Variants in CYFIP1 observed in about 807,000 individuals in gnomAD.
CYFIP1 encodes the protein cytoplasmic FMR1-interacting protein 1.
In CYFIP1, 58 loss-of-function variants were observed where a neutral mutation model predicts 163.5. The ratio of observed to expected loss-of-function variants is 0.35; its 90% CI spans 0.29 to 0.44. CYFIP1 has a LOEUF of 0.44. Ranked by LOEUF, CYFIP1 falls within the 20% of genes least tolerant of loss-of-function variation. CYFIP1 has a pLI of 1.00. For synonymous variants in CYFIP1, 663 were observed against 660.7 expected (o/e 1.00, Z -0.05); for missense variants, 1,338 against 1,653.8 (o/e 0.81, Z 3.31).
intron 1 of CYFIP1, among the ~76,000 whole-genome samples, chr15:22,962,882 C>A (rs1449226466): frequency 1.3e-5 from 2 of 152,200 alleles, no homozygotes; most frequent in South Asian, 2.1e-4. Context: ...TTCCACCCAA[C>A]CAACAAACCA....
At chr15:22,872,735 A>G in intron 30 of CYFIP1, 90 bp downstream of exon 30, 1 of 1,405,472 alleles carries the variant, frequency 7.1e-7, no homozygotes, top group East Asian at 2.3e-5. Flanking sequence ...ACTAGGATGA[A>G]AAACATTGCC....
At position 22,934,485 on chromosome 15, in the gene CYFIP1, CTTTTT is replaced by C. The variant is rs35881374; in HGVS notation, c.901-597_901-593del. On this transcript the variant is annotated intron_variant, in intron 9 of 30. Coordinates refer to ENST00000617928, the MANE Select transcript of CYFIP1 (RefSeq NM_014608.6). ...CAGGCGTGAACCACCGCACCCAGCCCTTTTTTTTTTTTTTTTTTTTTTTTTTTTGA... is the reference window on the plus strand; with the variant it reads ...CAGGCGTGAACCACCGCACCCAGCCCTTTTTTTTTTTTTTTTTTTTTTTGA... Among the ~76,000 whole-genome samples, 63 of 49,836 alleles carry C rather than the reference CTTTTT, an allele frequency of 1.3e-3. 3 individuals are homozygous for C. Among genetic ancestry groups the C allele is most frequent in the African/African-American group, 3.1e-3 (38 of 12,276 alleles). 32.7% of individuals were successfully genotyped at this position (49,836 alleles called of 152,430 possible).
At chr15:22,938,465 C>CATTG (rs2061786710) in intron 8 of CYFIP1, among the ~76,000 whole-genome samples, 1 of 151,968 alleles carries the variant, frequency 6.6e-6, no homozygotes, top group Non-Finnish European at 1.5e-5. Context: ...CTTAGCTGGG[C>CATTG]ATTGGTGCAA....
intron 1 of CYFIP1, among the ~76,000 whole-genome samples, chr15:22,955,433 G>T (rs1339151271): frequency 6.6e-6 from 1 of 152,232 alleles, no homozygotes; most frequent in Non-Finnish European, 1.5e-5. Flanking sequence ...TGAGGTGCTG[G>T]AGACCGATTT....
At position 22,898,092 on chromosome 15, in the gene CYFIP1, T is replaced by C. The variant is rs1428185225; in HGVS notation, c.2589-5115A>G. Among the ~76,000 whole-genome samples, 5 of 152,124 alleles carry C rather than the reference T, an allele frequency of 3.3e-5. 1 individual carries two copies. The highest frequency in any genetic ancestry group is 1.2e-4 in the African/African-American group (5 of 41,416). ...ACTTGGTCCAGAAAGTGCTTTCAGATGGAAGTCAGGGAGATCACAGGGCTC... is the reference window on the plus strand; with the variant it reads ...ACTTGGTCCAGAAAGTGCTTTCAGACGGAAGTCAGGGAGATCACAGGGCTC... On this transcript the variant is annotated intron_variant, in intron 22 of 30. Transcript: ENST00000617928.
chr15:22,920,967 A>C (rs1396911112), intron 13 of CYFIP1, among the ~76,000 whole-genome samples: 1 of 152,222 alleles, frequency 6.6e-6, no homozygotes, highest in Non-Finnish European at 1.5e-5. Context: ...TGAGAGCTTT[A>C]GATGCACGCA....
chr15:22,944,536 C>G, intron 5 of CYFIP1, 22 bp downstream of exon 5: 2 of 1,549,464 alleles, frequency 1.3e-6, no homozygotes, highest in Admixed American at 1.7e-5. Context: ...TTACACCCCC[C>G]CCAGATTATT....
intron 11 of CYFIP1, among the ~76,000 whole-genome samples, chr15:22,928,575 T>C (rs1050091355): frequency 6.6e-6 from 1 of 152,070 alleles, no homozygotes; most frequent in Non-Finnish European, 1.5e-5. Context: ...CGCGGGGCTG[T>C]TACACGCGTG....
intron 24 of CYFIP1, 83 bp from the exon 25 acceptor site, chr15:22,882,019 G>A: frequency 7.3e-6 from 9 of 1,229,382 alleles, no homozygotes; most frequent in Middle Eastern, 2.2e-4. Context: ...CCTGAAACAA[G>A]TCTGTTAGCA....
intron 21 of CYFIP1, among the ~76,000 whole-genome samples, chr15:22,906,517 G>A (rs1442347578): frequency 3.5e-5 from 5 of 142,734 alleles, no homozygotes; most frequent in Non-Finnish European, 7.5e-5. Context: ...CCAGGCTGGA[G>A]TGCAGTGGCA....
chr15:22,963,586 T>C (rs998725786), intron 1 of CYFIP1, among the ~76,000 whole-genome samples: 3 of 145,588 alleles, frequency 2.1e-5, no homozygotes, highest in African/African-American at 7.5e-5. Flanking sequence ...CCCTGAAAAC[T>C]TTTTGTGAAC....
chr15:22,882,212 G>A (rs1290882230), intron 24 of CYFIP1, among the ~76,000 whole-genome samples: 1 of 152,234 alleles, frequency 6.6e-6, no homozygotes, highest in Non-Finnish European at 1.5e-5. Flanking sequence ...TTTGTCGCCA[G>A]GTGTCTCCTA....
chr15:22,893,650 C>T (rs549784007), intron 22 of CYFIP1, among the ~76,000 whole-genome samples: 1 of 152,298 alleles, frequency 6.6e-6, no homozygotes, highest in Non-Finnish European at 1.5e-5. Context: ...TGTGAAAATA[C>T]TGCTGTCCCA....
intron 1 of CYFIP1, among the ~76,000 whole-genome samples, chr15:22,974,440 CAA>C (rs2063200204): frequency 6.6e-6 from 1 of 152,036 alleles, no homozygotes; most frequent in African/African-American, 2.4e-5. Context: ...ATTAAAAAAA[CAA>C]AAACAGGCCG....
chr15:22,917,872 G>A lies in CYFIP1; in HGVS notation c.1590C>T (p.Asp530=). The part of the protein sequence containing the change: ...DWETGHEPFN[D]PALRGEKDPK... ...GGTCCTTCTCGCCCCGCAAGGCTGG[G>A]TCATTGAAGGGCTCATGCCCCGTCT... Residue 530 remains aspartate, a synonymous_variant, in exon 15 of 31, where the codon GAC becomes GAT. Transcript: ENST00000617928. This position sits in a 1 kb window ranked among gnomAD's most constrained non-coding sequence, Gnocchi z 4.2. 6.2e-7 allele frequency: 1 copy of A among 1,613,936 alleles called. No homozygotes were observed. The highest frequency in any genetic ancestry group is 1.3e-5 in the African/African-American group (1 of 75,032).
intron 1 of CYFIP1, among the ~76,000 whole-genome samples, chr15:22,964,860 C>G (rs1315247790): frequency 1.3e-5 from 2 of 152,170 alleles, no homozygotes; most frequent in Non-Finnish European, 2.9e-5. Context: ...TGCAGCGACC[C>G]TCATTCTACT....
chr15:22,907,935 T>C (rs536879676), intron 21 of CYFIP1, among the ~76,000 whole-genome samples: 234 of 152,328 alleles, frequency 1.5e-3, no homozygotes, highest in African/African-American at 5.5e-3. Context: ...GACACCACTC[T>C]CTCTCTCATC....
At chr15:22,962,412 TC>T (rs199996375) in intron 1 of CYFIP1, among the ~76,000 whole-genome samples, 2,207 of 151,012 alleles carry the variant, frequency 0.015, 64 homozygotes, top group African/African-American at 0.049. Context: ...TTTTTTTTTT[TC>T]TTGAGACGGA....
At chr15:22,907,851 C>G (rs1419491559) in intron 21 of CYFIP1, among the ~76,000 whole-genome samples, 3 of 152,188 alleles carry the variant, frequency 2.0e-5, no homozygotes, top group Non-Finnish European at 4.4e-5. Flanking sequence ...GGGTGGCACA[C>G]CTGAGTGGCA....
Sources: allele counts gnomAD v4.1 joint callset (sites outside exome capture counted in the v4.1 genomes callset), GRCh38; gene constraint gnomAD v4.1.1; non-coding constraint Gnocchi (gnomAD v3.1); transcripts MANE v1.5; gene names NCBI Gene and HGNC (gene_info 2026-07-23, HGNC 2026-07-21).